EVI5: variants seen among roughly 807,000 people sequenced by gnomAD.
EVI5 encodes ecotropic viral integration site 5 protein homolog.
Under a neutral mutation model 112.0 loss-of-function variants are expected in EVI5, and 73 were observed. The ratio of observed to expected loss-of-function variants is 0.65; its 90% CI spans 0.54 to 0.79. The LOEUF is 0.79. EVI5 is among the 30% of genes least tolerant of loss of function. The pLI is 0.00. For missense variants in EVI5, 900 were observed against 968.8 expected (o/e 0.93, Z 0.94); for synonymous variants, 305 against 319.9 (o/e 0.95, Z 0.50).
intron 18 of EVI5, among the ~76,000 whole-genome samples, chr1:92,579,586 A>T (rs904727182): frequency 1.3e-5 from 2 of 152,240 alleles, no homozygotes; most frequent in African/African-American, 4.8e-5. Flanking sequence ...TAATACAGTT[A>T]TTAATAGCCA....
Position 92,513,619 on chromosome 1 carries a change from C to T in EVI5, c.*37G>A, listed in dbSNP as rs755154811. 3 of 1,372,898 alleles carry T rather than the reference C, an allele frequency of 2.2e-6. No individual in the cohort carries two copies. The highest frequency in any genetic ancestry group is 3.2e-5 in the South Asian group (2 of 62,930). The allele number at this position is 1,372,898 out of a possible 1,614,324, so 85.0% of individuals were successfully genotyped here. On this transcript the variant is annotated 3_prime_UTR_variant, in exon 20 of 20. Transcript: ENST00000684568. ...AAGCCCTAATCATATGATAACTGAT[C>T]CCTTAAATAAATCCATAGTCTAGGT... is the stretch of plus-strand genomic sequence containing the variant.
At chr1:92,714,999 T>C (rs1673393615) in intron 2 of EVI5, among the ~76,000 whole-genome samples, 1 of 152,182 alleles carries the variant, frequency 6.6e-6, no homozygotes, top group Non-Finnish European at 1.5e-5. Flanking sequence ...TTCTGAGTTT[T>C]AATGATTTTT....
rs926753832 is a variant in EVI5 at position 92,548,840 on chromosome 1, TA to T, written c.2166+14801del. Among the ~76,000 whole-genome samples the T allele has an allele frequency of 1.2e-3, 177 of 152,046 alleles. 1 individual carries two copies. The highest frequency in any genetic ancestry group is 4.2e-3 in the African/African-American group (172 of 41,440). On this transcript the variant is annotated intron_variant, in intron 19 of 19. Coordinates refer to ENST00000684568, the MANE Select transcript of EVI5 (RefSeq NM_001350197.2). ...AACTACAAACCACTGCTCAACGAAATAAAAGAGGACACAAACAAATGGAAGA... is the reference window on the plus strand; with the variant it reads ...AACTACAAACCACTGCTCAACGAAATAAAGAGGACACAAACAAATGGAAGA...
intron 19 of EVI5, among the ~76,000 whole-genome samples, chr1:92,558,896 A>G (rs1668083386): frequency 6.6e-6 from 1 of 151,808 alleles, no homozygotes; most frequent in Non-Finnish European, 1.5e-5. Flanking sequence ...AACACCAACC[A>G]AAAAAACCCC....
intron 2 of EVI5, among the ~76,000 whole-genome samples, chr1:92,709,750 C>T (rs1021626696): frequency 6.6e-6 from 1 of 152,062 alleles, no homozygotes; most frequent in Non-Finnish European, 1.5e-5. Flanking sequence ...AAATAATTTA[C>T]GTGTTCAAGA....
intron 1 of EVI5, among the ~76,000 whole-genome samples, chr1:92,763,139 C>A (rs1242784127): frequency 6.6e-6 from 1 of 152,124 alleles, no homozygotes; most frequent in Non-Finnish European, 1.5e-5. Flanking sequence ...TGTAGTGGCA[C>A]ATGCCTGTGG....
intron 19 of EVI5, among the ~76,000 whole-genome samples, chr1:92,563,088 T>G (rs1457055547): frequency 6.6e-6 from 1 of 152,190 alleles, no homozygotes; most frequent in African/African-American, 2.4e-5. Flanking sequence ...TTACTCAGTA[T>G]AGTACTTGGT....
chr1:92,524,759 T>A lies in EVI5; in HGVS notation c.2167-10789A>T, dbSNP rs1661560948. Among the ~76,000 whole-genome samples, 2 of 152,218 alleles carry A rather than the reference T, an allele frequency of 1.3e-5. 1 individual carries two copies. The highest frequency in any genetic ancestry group is 4.1e-4 in the South Asian group (2 of 4,828). The stretch of plus-strand genomic sequence containing the variant: ...CTTCATATCCAGGTGACAAGCCATA[T>A]TCTTTAAGGAATAACATGTCTACCC... On this transcript the variant is annotated intron_variant, in intron 19 of 19. Transcript: ENST00000684568.
chr1:92,633,805 G>C (rs9671488), intron 14 of EVI5, among the ~76,000 whole-genome samples: 1 of 152,178 alleles, frequency 6.6e-6, no homozygotes, highest in African/African-American at 2.4e-5. Flanking sequence ...GCATGTTTTT[G>C]CAGTGGCTGG....
chr1:92,771,082 C>T (rs1259974091), intron 1 of EVI5, among the ~76,000 whole-genome samples: 1 of 151,968 alleles, frequency 6.6e-6, no homozygotes, highest in East Asian at 1.9e-4. Flanking sequence ...TCCCAAAGTA[C>T]TGGGATTACA....
In EVI5 at chr1:92,738,800, G is replaced by A. The variant is rs183459008; in HGVS notation, c.-81-2173C>T. Among the ~76,000 whole-genome samples the A allele has an allele frequency of 2.7e-3, 408 of 152,078 alleles. 3 individuals are homozygous for A. The highest frequency in any genetic ancestry group is 9.3e-3 in the African/African-American group (386 of 41,470). Reference sequence around the variant, plus strand: ...TAAATTATTTTTTCATATATCATCAGGTACTATTTTTCCTTTAATTTTACT... The same window carrying A: ...TAAATTATTTTTTCATATATCATCAAGTACTATTTTTCCTTTAATTTTACT... On this transcript the variant is annotated intron_variant, in intron 1 of 19. Transcript: ENST00000684568.
intron 13 of EVI5, among the ~76,000 whole-genome samples, chr1:92,656,032 T>A (rs979761034): frequency 5.9e-5 from 9 of 152,208 alleles, no homozygotes; most frequent in Middle Eastern, 3.4e-3. Flanking sequence ...AAAGAAATAC[T>A]GGACATAAAT....
At chr1:92,566,912 T>A (rs907842797) in intron 18 of EVI5, among the ~76,000 whole-genome samples, 5 of 147,834 alleles carry the variant, frequency 3.4e-5, no homozygotes, top group African/African-American at 1.2e-4. Context: ...GTTCAAGCGA[T>A]TCTCGTGCCT....
intron 3 of EVI5, chr1:92,703,879 T>G: frequency 3.7e-6 from 1 of 271,098 alleles, no homozygotes; most frequent in Non-Finnish European, 6.2e-6. Flanking sequence ...ACTTGAAACC[T>G]GCAGAGCTGT....
At chr1:92,648,209 A>C (rs1572098342) in intron 13 of EVI5, among the ~76,000 whole-genome samples, 1 of 1,968 alleles carries the variant, frequency 5.1e-4, no homozygotes, top group African/African-American at 2.9e-3. Flanking sequence ...AAAAAAAAAA[A>C]AAAAAAAAAC....
chr1:92,707,303 T>C (rs116631163), intron 2 of EVI5, among the ~76,000 whole-genome samples: 1 of 151,762 alleles, frequency 6.6e-6, no homozygotes, highest in Non-Finnish European at 1.5e-5. Context: ...AAAACTGGAC[T>C]TCACCGAAAT....
intron 7 of EVI5, among the ~76,000 whole-genome samples, 170 bp from the exon 8 acceptor site, chr1:92,694,558 T>C (rs1670006999): frequency 6.6e-6 from 1 of 152,172 alleles, no homozygotes; most frequent in Non-Finnish European, 1.5e-5. Flanking sequence ...GGCTATATTG[T>C]CTGTCAAAAT....
intron 1 of EVI5, among the ~76,000 whole-genome samples, chr1:92,762,410 T>G (rs1472940579): frequency 6.6e-6 from 1 of 152,214 alleles, no homozygotes; most frequent in Non-Finnish European, 1.5e-5. Context: ...CTGAGATATA[T>G]TTTACTGAAG....
chr1:92,635,779 A>C (rs1051335476), intron 14 of EVI5, among the ~76,000 whole-genome samples: 2 of 152,132 alleles, frequency 1.3e-5, no homozygotes, highest in African/African-American at 4.8e-5. Context: ...GTTCCTATTC[A>C]GCTATCTTGG....
Sources: allele counts gnomAD v4.1 joint callset (sites outside exome capture counted in the v4.1 genomes callset), GRCh38; gene constraint gnomAD v4.1.1; transcripts MANE v1.5; gene names NCBI Gene and HGNC (gene_info 2026-07-23, HGNC 2026-07-21).